P4HA3: variants seen among roughly 807,000 people sequenced by gnomAD.
P4HA3 encodes prolyl 4-hydroxylase subunit alpha 3.
In P4HA3, 60 loss-of-function variants were observed where a neutral mutation model predicts 66.7. The observed-to-expected ratio is 0.90, with a 90% confidence interval of 0.73 to 1.12. P4HA3 has a LOEUF of 1.12. P4HA3 is among the 50% of genes most tolerant of loss of function. The probability of loss-of-function intolerance (pLI) is 0.00; values close to 1 mark genes in which losing one functional copy is unlikely to be tolerated. For synonymous variants in P4HA3, 263 were observed against 274.6 expected, an observed-to-expected ratio of 0.96 and a Z score of 0.42; for missense variants, 683 against 685.8, an observed-to-expected ratio of 1.00 and a Z score of 0.05.
At chr11:74,278,197 G>C (rs964516484) in intron 8 of P4HA3, among the ~76,000 whole-genome samples, 1 of 152,198 alleles carries the variant, frequency 6.6e-6, no homozygotes, top group Non-Finnish European at 1.5e-5. Context: ...ATTTTGAAGA[G>C]TGCATAAAAT....
intron 7 of P4HA3, among the ~76,000 whole-genome samples, chr11:74,279,877 C>T (rs575164798): frequency 9.1e-4 from 138 of 152,288 alleles, no homozygotes; most frequent in African/African-American, 3.0e-3. Context: ...ATTAAATGAA[C>T]ACCTCCAGCA....
intron 4 of P4HA3, 84 bp downstream of exon 4, chr11:74,298,128 A>G (rs1338420670): frequency 8.7e-6 from 13 of 1,498,602 alleles, no homozygotes; most frequent in Non-Finnish European, 1.1e-5. Context: ...AGATGAAGAC[A>G]TGAAAATACT....
intron 15 of P4HA3, chr11:74,255,946 CTAT>C (rs1859821198): frequency 3.9e-6 from 2 of 516,972 alleles, no homozygotes; most frequent in Non-Finnish European, 7.7e-6. Flanking sequence ...CTTTGCTGAG[CTAT>C]GTGCCCTCTT....
chr11:74,284,858 G>A (rs1162297707), intron 7 of P4HA3, among the ~76,000 whole-genome samples: 1 of 152,020 alleles, frequency 6.6e-6, no homozygotes, highest in Non-Finnish European at 1.5e-5. Flanking sequence ...CCTAGTCACT[G>A]TCCCTTTCCC....
At chr11:74,291,448 G>T (rs888054170) in intron 4 of P4HA3, among the ~76,000 whole-genome samples, 1 of 152,112 alleles carries the variant, frequency 6.6e-6, no homozygotes, top group Non-Finnish European at 1.5e-5. Context: ...TCCTTCTCCT[G>T]CCTGATTGCC....
intron 4 of P4HA3, among the ~76,000 whole-genome samples, chr11:74,292,740 A>G (rs913482978): frequency 1.3e-5 from 2 of 152,128 alleles, no homozygotes; most frequent in Non-Finnish European, 1.5e-5. Flanking sequence ...TTCAGTTTCC[A>G]TGTAGTTGAG....
Position 74,311,589 on chromosome 11 carries a change from G to A in P4HA3, c.23C>T (p.Ala8Val), listed in dbSNP as rs1443591793. The A allele has an allele frequency of 8.5e-6, 13 of 1,533,508 alleles. No individual in the cohort carries two copies. Among genetic ancestry groups the A allele is most frequent in the Admixed American group, 2.0e-5 (1 of 51,252 alleles). 95.0% of individuals were successfully genotyped at this position (1,533,508 alleles called of 1,614,324 possible). The change falls in exon 1 of 13, where the codon GCG becomes GTG. Residue 8 changes from alanine (A) to valine (V), a missense_variant. Physicochemically the swap from Ala to Val is moderately conservative, Grantham distance 64. Coordinates refer to ENST00000331597, the MANE Select transcript of P4HA3 (RefSeq NM_182904.5). ...GAGCGCCAGCACCGCCAGCAGCGCC[G>A]CCAGCCGCGCCCCAGGACCCATAGC... MGPGARLAALLAVLALGT... is the reference protein window; with the variant it reads MGPGARLVALLAVLALGT...
intron 15 of P4HA3, chr11:74,251,358 T>C: frequency 7.4e-7 from 1 of 1,354,596 alleles, no homozygotes; most frequent in South Asian, 2.0e-5. Flanking sequence ...CAGTTAGGAA[T>C]TAATATGGGC....
chr11:74,251,101 G>A, intron 15 of P4HA3: 1 of 1,535,542 alleles, frequency 6.5e-7, no homozygotes, highest in South Asian at 1.2e-5. Flanking sequence ...CTGAGTCTCA[G>A]CCTGCATTGC....
At chr11:74,310,528 G>A (rs1308358700) in intron 1 of P4HA3, among the ~76,000 whole-genome samples, 6 of 152,186 alleles carry the variant, frequency 3.9e-5, no homozygotes, top group Admixed American at 1.3e-4. Flanking sequence ...GTAAAGAGAA[G>A]GAAGAACTGA....
At chr11:74,280,966 G>A (rs1043948783) in intron 7 of P4HA3, among the ~76,000 whole-genome samples, 1 of 152,042 alleles carries the variant, frequency 6.6e-6, no homozygotes, top group African/African-American at 2.4e-5. Context: ...GAAAATTTTT[G>A]CAACCTACTC....
chr11:74,276,092 C>A (rs1244204208), intron 9 of P4HA3, among the ~76,000 whole-genome samples: 1 of 152,022 alleles, frequency 6.6e-6, no homozygotes, highest in East Asian at 1.9e-4. Context: ...TAAGTGGGGG[C>A]TAAACAATGG....
chr11:74,302,641 G>A (rs1861446257), intron 2 of P4HA3, 49 bp from the exon 3 acceptor site: 1 of 1,529,998 alleles, frequency 6.5e-7, no homozygotes, highest in Admixed American at 1.9e-5. Context: ...AACAGGAGTT[G>A]GGCATTTAAT....
intron 4 of P4HA3, among the ~76,000 whole-genome samples, chr11:74,289,690 G>A (rs1042639799): frequency 1.4e-5 from 2 of 147,822 alleles, no homozygotes; most frequent in South Asian, 4.2e-4. Flanking sequence ...GTGAGAACAT[G>A]GGGTGTTTGG....
At chr11:74,255,407 G>T (rs960856817) in intron 15 of P4HA3, among the ~76,000 whole-genome samples, 2 of 152,140 alleles carry the variant, frequency 1.3e-5, no homozygotes, top group African/African-American at 4.8e-5. Flanking sequence ...CCCCCTGGGT[G>T]GTCCTCCACA....
At chr11:74,289,785 T>C (rs1224148445) in intron 4 of P4HA3, among the ~76,000 whole-genome samples, 1 of 152,164 alleles carries the variant, frequency 6.6e-6, no homozygotes, top group Admixed American at 6.5e-5. Flanking sequence ...TCATCATTTT[T>C]TATGGCTGCA....
intron 15 of P4HA3, among the ~76,000 whole-genome samples, chr11:74,256,292 C>T (rs1859829159): frequency 6.6e-6 from 1 of 152,146 alleles, no homozygotes; most frequent in African/African-American, 2.4e-5. Context: ...CCTCTTTACA[C>T]TTGATGGAGG....
intron 4 of P4HA3, among the ~76,000 whole-genome samples, chr11:74,290,815 G>C (rs1474995962): frequency 6.6e-6 from 1 of 152,102 alleles, no homozygotes; most frequent in African/African-American, 2.4e-5. Flanking sequence ...TCTCTGTTTT[G>C]GTACCAGTAA....
intron 4 of P4HA3, among the ~76,000 whole-genome samples, chr11:74,290,848 C>T (rs1351773869): frequency 6.6e-6 from 1 of 152,160 alleles, no homozygotes; most frequent in Non-Finnish European, 1.5e-5. Flanking sequence ...GTTACCGTAG[C>T]CTTGTAGTAT....
Sources: allele counts gnomAD v4.1 joint callset (sites outside exome capture counted in the v4.1 genomes callset), GRCh38; gene constraint gnomAD v4.1.1; transcripts MANE v1.5; gene names NCBI Gene and HGNC (gene_info 2026-07-23, HGNC 2026-07-21).